WDR64: variants seen among roughly 807,000 people sequenced by gnomAD.
WDR64 encodes the protein WD repeat-containing protein 64.
WDR64 carries 112 observed loss-of-function variants against 139.3 expected under a neutral mutation model. The observed-to-expected ratio is 0.80, with a 90% CI of 0.69 to 0.94. The LOEUF is 0.94. Among genes scored for constraint, WDR64 ranks in the 40% least tolerant of loss-of-function variants. The probability of loss-of-function intolerance (pLI) is 0.00; values close to 1 mark genes in which losing one functional copy is unlikely to be tolerated. For synonymous variants in WDR64, 444 were observed against 437.7 expected (o/e 1.01, Z -0.18); for missense variants, 1,206 against 1,293.1 (o/e 0.93, Z 1.03).
chr1:241,735,101 G>T (rs1669245859), intron 10 of WDR64, among the ~76,000 whole-genome samples: 2 of 152,096 alleles, frequency 1.3e-5, no homozygotes. Context: ...TAGTGCAAGT[G>T]TCCCTGATAT....
intron 1 of WDR64, among the ~76,000 whole-genome samples, chr1:241,653,514 A>G (rs1026586942): frequency 1.1e-4 from 17 of 151,228 alleles, no homozygotes; most frequent in Admixed American, 9.9e-4. Context: ...TCATTTGCCC[A>G]AGTTACCCAA....
At chr1:241,675,074 CCTCCCTCCCTTCATCCT>C (rs1666455130) in intron 4 of WDR64, among the ~76,000 whole-genome samples, 2 of 87,796 alleles carry the variant, frequency 2.3e-5, no homozygotes, top group Non-Finnish European at 4.6e-5. Flanking sequence ...CTCCTTCCTG[CCTCCCTCCCTTCATCCT>C]TCCTCCCTCC....
chr1:241,686,992 A>G (rs1371400268), intron 7 of WDR64, among the ~76,000 whole-genome samples: 1 of 152,150 alleles, frequency 6.6e-6, no homozygotes, highest in Non-Finnish European at 1.5e-5. Flanking sequence ...CATTTTAAGT[A>G]TGCTTGATTA....
intron 1 of WDR64, among the ~76,000 whole-genome samples, chr1:241,657,300 C>A (rs1665644407): frequency 6.6e-6 from 1 of 152,146 alleles, no homozygotes; most frequent in African/African-American, 2.4e-5. Flanking sequence ...GTCTTTCCAT[C>A]TGGCCTCCTA....
intron 27 of WDR64, 102 bp from the exon 28 acceptor site, chr1:241,801,030 G>A (rs1659508733): frequency 5.9e-6 from 5 of 842,902 alleles, no homozygotes; most frequent in Non-Finnish European, 9.5e-6. Flanking sequence ...TTTTCTAGGA[G>A]GATTAAAATC....
chr1:241,780,082 A>C lies in WDR64; in HGVS notation c.2595+20A>C. ...GAAAAGGTAAGAACTTCAGTTTTCC[A>C]CTTTAATTTATGAGTCAGCATATAT... On this transcript the variant is annotated intron_variant, in intron 22 of 27. Transcript: ENST00000437684. 6.3e-7 allele frequency: 1 copy of C among 1,578,132 alleles called. No individual in the cohort carries two copies. Among genetic ancestry groups the C allele is most frequent in the Non-Finnish European group, 8.6e-7 (1 of 1,162,064 alleles).
chr1:241,783,062 T>G (rs555204643), intron 22 of WDR64, among the ~76,000 whole-genome samples: 2 of 152,200 alleles, frequency 1.3e-5, no homozygotes, highest in African/African-American at 4.8e-5. Flanking sequence ...CCCAGGGAGA[T>G]GTATGAATTA....
chr1:241,673,749 C>G (rs917348865), intron 3 of WDR64, among the ~76,000 whole-genome samples: 1 of 151,898 alleles, frequency 6.6e-6, no homozygotes, highest in African/African-American at 2.4e-5. Context: ...AAATTAAGTG[C>G]CCTGGAAGAA....
In WDR64 at chr1:241,703,474, T is replaced by TC. The variant is rs947576971; in HGVS notation, c.975-8327dup. 1.3e-5 allele frequency among the ~76,000 whole-genome samples: 2 copies of TC among 151,910 alleles called. No individual in the cohort carries two copies. The highest frequency in any genetic ancestry group is 6.6e-5 in the Admixed American group (1 of 15,232). On this transcript the variant is annotated intron_variant, in intron 8 of 27. Coordinates refer to ENST00000437684, the MANE Select transcript of WDR64 (RefSeq NM_001367482.1). This position sits in a 1 kb window ranked among gnomAD's most constrained non-coding sequence, Gnocchi z 5.9. ...TCTATCAAAAAGTTTTTTTTTTTTTTCTGTTTTGAAGAAACTGTCAGAAAA... is the reference window on the plus strand; with the variant it reads ...TCTATCAAAAAGTTTTTTTTTTTTTTCCTGTTTTGAAGAAACTGTCAGAAAA...
intron 8 of WDR64, among the ~76,000 whole-genome samples, chr1:241,696,141 A>G (rs1326854096): frequency 2.7e-5 from 4 of 147,858 alleles, no homozygotes; most frequent in Non-Finnish European, 5.9e-5. Context: ...AAAAAAAAAA[A>G]GCATTAGTCT....
At chr1:241,660,340 A>C (rs1665774561) in intron 1 of WDR64, among the ~76,000 whole-genome samples, 190 bp from the exon 2 acceptor site, 1 of 152,224 alleles carries the variant, frequency 6.6e-6, no homozygotes, top group African/African-American at 2.4e-5. Flanking sequence ...GAAGTCAGGT[A>C]GTGTGATGCC....
intron 8 of WDR64, among the ~76,000 whole-genome samples, chr1:241,690,343 C>T (rs1347837987): frequency 1.3e-5 from 2 of 151,806 alleles, no homozygotes; most frequent in Non-Finnish European, 2.9e-5. Flanking sequence ...TGGTGGCGCA[C>T]ACCTGTAATC....
chr1:241,666,110 AC>A (rs756962017), intron 2 of WDR64, among the ~76,000 whole-genome samples: 2 of 152,196 alleles, frequency 1.3e-5, no homozygotes, highest in Non-Finnish European at 2.9e-5. Context: ...ATGGAGCAAG[AC>A]TTTTAAATAG....
At chr1:241,689,370 T>C (rs939957546) in intron 8 of WDR64, among the ~76,000 whole-genome samples, 1 of 152,082 alleles carries the variant, frequency 6.6e-6, no homozygotes, top group African/African-American at 2.4e-5. Context: ...AAGACACATA[T>C]AGGCTAAAAA....
In WDR64 at chr1:241,757,190, A is replaced by G. The variant is rs565880471; in HGVS notation, c.1771-93A>G. The G allele has an allele frequency of 4.5e-4, 509 of 1,123,472 alleles. 1 individual carries two copies. Among genetic ancestry groups the G allele is most frequent in the East Asian group, 1.6e-3 (59 of 37,506 alleles). 69.6% of individuals were successfully genotyped at this position (1,123,472 alleles called of 1,614,324 possible). On this transcript the variant is annotated intron_variant, in intron 14 of 27. Transcript: ENST00000437684. Reference sequence around the variant, plus strand: ...GATTTGGTAAAGCTAGATGGTAGATACATCATTGTAGGTTCTATTTTCTCT... The same window carrying G: ...GATTTGGTAAAGCTAGATGGTAGATGCATCATTGTAGGTTCTATTTTCTCT...
chr1:241,774,559 C>T (rs1386056486), intron 20 of WDR64, among the ~76,000 whole-genome samples: 1 of 152,052 alleles, frequency 6.6e-6, no homozygotes, highest in African/African-American at 2.4e-5. Context: ...TTATACTGAG[C>T]GCTGAAAAAC....
At chr1:241,791,671 G>T (rs1659218418) in intron 25 of WDR64, among the ~76,000 whole-genome samples, 1 of 145,798 alleles carries the variant, frequency 6.9e-6, no homozygotes, top group African/African-American at 2.5e-5. Flanking sequence ...GACCCTGTCT[G>T]GGGGAAAAAA....
intron 14 of WDR64, among the ~76,000 whole-genome samples, chr1:241,752,977 T>C (rs1670034929): frequency 6.6e-6 from 1 of 152,228 alleles, no homozygotes; most frequent in South Asian, 2.1e-4. Flanking sequence ...CTGAGATTCA[T>C]TCCTTCTATC....
At chr1:241,777,252 C>T (rs1201121391) in intron 21 of WDR64, among the ~76,000 whole-genome samples, 2 of 151,698 alleles carry the variant, frequency 1.3e-5, no homozygotes, top group African/African-American at 4.8e-5. Flanking sequence ...TTTTTTTTTC[C>T]TGTAGAGACA....
Sources: gnomAD v4.1 joint callset for allele counts (sites outside exome capture counted in the v4.1 genomes callset) on GRCh38, gnomAD v4.1.1 for gene constraint, Gnocchi (gnomAD v3.1) non-coding constraint, MANE v1.5 for transcripts, NCBI Gene and HGNC (gene_info 2026-07-23, HGNC 2026-07-21) for gene names.